ARHGAP6: variants seen among roughly 807,000 people sequenced by gnomAD.
The protein encoded by ARHGAP6 is Rho GTPase activating protein 6.
Under a neutral mutation model 55.7 loss-of-function variants are expected in ARHGAP6, and 16 were observed. That is an observed-to-expected ratio of 0.29 (90% CI 0.19 to 0.44). ARHGAP6 has a LOEUF of 0.44. Among genes scored for constraint, ARHGAP6 ranks in the 20% least tolerant of loss-of-function variants. ARHGAP6 has a pLI of 1.00. For synonymous variants in ARHGAP6, 382 were observed against 360.9 expected, an observed-to-expected ratio of 1.06 and a Z score of -0.66; for missense variants, 698 against 808.9, an observed-to-expected ratio of 0.86 and a Z score of 1.66.
intron 1 of ARHGAP6, among the ~76,000 whole-genome samples, chrX:11,493,213 T>C (rs1026842112): frequency 1.1e-4 from 12 of 112,625 alleles, no homozygotes; most frequent in Admixed American, 6.6e-4. Flanking sequence ...TGTCTGTATA[T>C]GCACTGAAAA....
At chrX:11,180,267 T>C (rs140913697) in intron 6 of ARHGAP6, among the ~76,000 whole-genome samples, 111 of 111,577 alleles carry the variant, frequency 9.9e-4, no homozygotes, top group African/African-American at 3.5e-3. Flanking sequence ...ACTTTTCGTA[T>C]GCATTGTTCT....
intron 2 of ARHGAP6, among the ~76,000 whole-genome samples, chrX:11,214,834 G>A (rs1234163169): frequency 8.8e-6 from 1 of 113,481 alleles, no homozygotes; most frequent in Admixed American, 9.2e-5. Flanking sequence ...GCGTCTGCAG[G>A]TCCACTGAGG....
intron 1 of ARHGAP6, among the ~76,000 whole-genome samples, chrX:11,336,805 T>A (rs920153534): frequency 4.5e-5 from 5 of 112,181 alleles, no homozygotes; most frequent in African/African-American, 6.5e-5. Flanking sequence ...TCATCTGGGT[T>A]CTAGCAAGGA....
intron 1 of ARHGAP6, among the ~76,000 whole-genome samples, chrX:11,541,587 C>T (rs1044897551): frequency 8.9e-6 from 1 of 112,088 alleles, no homozygotes; most frequent in African/African-American, 3.2e-5. Context: ...CTTAATTAAT[C>T]CAGCAGTTAA....
chrX:11,558,758 T>A (rs1374988377), intron 1 of ARHGAP6, among the ~76,000 whole-genome samples: 1 of 92,608 alleles, frequency 1.1e-5, no homozygotes, highest in Admixed American at 1.4e-4. Context: ...ATCTCTTGAA[T>A]CCGGGAGGCG....
chrX:11,458,242 A>T (rs1005882097), intron 1 of ARHGAP6, among the ~76,000 whole-genome samples: 1 of 112,548 alleles, frequency 8.9e-6, no homozygotes, highest in Non-Finnish European at 1.9e-5. Context: ...CATAGATTCA[A>T]TAGATTTACT....
chrX:11,425,335 T>C lies in ARHGAP6; in HGVS notation c.589-170628A>G, dbSNP rs1052467724. Among the ~76,000 whole-genome samples the C allele has an allele frequency of 2.7e-5, 3 of 111,966 alleles. No homozygotes were observed. The Admixed American group carries it at 2.8e-4, about 11-fold the overall frequency. On this transcript the variant is annotated intron_variant, in intron 1 of 12. Transcript: ENST00000337414. ...CTAAACGGCAAAACAAGCTCTGGAATTATCAAAACCCAAATGAGGGAAGTA... is the reference window on the plus strand; with the variant it reads ...CTAAACGGCAAAACAAGCTCTGGAACTATCAAAACCCAAATGAGGGAAGTA...
chrX:11,505,479 A>G (rs1382203420), intron 1 of ARHGAP6, among the ~76,000 whole-genome samples: 1 of 111,505 alleles, frequency 9.0e-6, no homozygotes, highest in Non-Finnish European at 1.9e-5. Flanking sequence ...ACCATTGTGG[A>G]CAGCAGTGTG....
At chrX:11,488,030 A>G (rs1361917503) in intron 1 of ARHGAP6, among the ~76,000 whole-genome samples, 1 of 112,329 alleles carries the variant, frequency 8.9e-6, no homozygotes, top group Non-Finnish European at 1.9e-5. Flanking sequence ...CATCAGACAA[A>G]TACAATTTTA....
intron 1 of ARHGAP6, among the ~76,000 whole-genome samples, chrX:11,433,247 T>A (rs1315509860): frequency 8.9e-6 from 1 of 112,165 alleles, no homozygotes; most frequent in African/African-American, 3.2e-5. Flanking sequence ...TATGCATCAA[T>A]TGGAGTCGAG....
At chrX:11,305,096 C>T (rs1461720986) in intron 1 of ARHGAP6, among the ~76,000 whole-genome samples, 2 of 111,220 alleles carry the variant, frequency 1.8e-5, no homozygotes, top group South Asian at 3.8e-4. Context: ...TTTACCAAAC[C>T]GTTTTCCTCT....
chrX:11,144,943 C>T (rs2045669285), intron 10 of ARHGAP6: 1 of 112,597 alleles, frequency 8.9e-6, no homozygotes, highest in Admixed American at 9.4e-5. Flanking sequence ...ATATGATGTA[C>T]TAATTAGTAT....
chrX:11,591,065 G>A (rs969173165), intron 1 of ARHGAP6, among the ~76,000 whole-genome samples: 4 of 108,439 alleles, frequency 3.7e-5, no homozygotes, highest in Non-Finnish European at 5.7e-5. Context: ...GGTGGCGGGC[G>A]CCTGTAGTCC....
At chrX:11,172,790 T>A in intron 8 of ARHGAP6, among the ~76,000 whole-genome samples, 1 of 111,614 alleles carries the variant, frequency 9.0e-6, no homozygotes, top group Non-Finnish European at 1.9e-5. Flanking sequence ...CAGCATATAT[T>A]TATATATATA....
intron 1 of ARHGAP6, among the ~76,000 whole-genome samples, chrX:11,435,605 T>C (rs1183967885): frequency 1.8e-5 from 2 of 111,990 alleles, no homozygotes; most frequent in Non-Finnish European, 3.8e-5. Flanking sequence ...CTTTGGTTGT[T>C]ATCCCGTGCA....
chrX:11,147,241 A>G (rs975146651), intron 10 of ARHGAP6, among the ~76,000 whole-genome samples: 10 of 111,948 alleles, frequency 8.9e-5, no homozygotes, highest in Admixed American at 3.8e-4. Context: ...ATGCACACAT[A>G]TACATATTCA....
intron 1 of ARHGAP6, among the ~76,000 whole-genome samples, chrX:11,581,740 T>C (rs894951249): frequency 9.0e-6 from 1 of 110,794 alleles, no homozygotes; most frequent in Non-Finnish European, 1.9e-5. Context: ...AGAAAGTAGA[T>C]GAGTGGTTGC....
At chrX:11,300,666 C>A (rs373589740) in intron 1 of ARHGAP6, 62 of 1,104,048 alleles carry the variant, frequency 5.6e-5, no homozygotes, top group Non-Finnish European at 7.2e-5. Flanking sequence ...AGGAGTGACA[C>A]AAGAACACAA....
At chrX:11,223,553 G>A (rs1193615022) in intron 2 of ARHGAP6, among the ~76,000 whole-genome samples, 1 of 111,603 alleles carries the variant, frequency 9.0e-6, no homozygotes, top group Non-Finnish European at 1.9e-5. Context: ...AAATATGGCA[G>A]CTGCATATAA....
Sources: allele counts gnomAD v4.1 joint callset (sites outside exome capture counted in the v4.1 genomes callset), GRCh38; gene constraint gnomAD v4.1.1; transcripts MANE v1.5; gene names NCBI Gene and HGNC (gene_info 2026-07-23, HGNC 2026-07-21).